Variants in TRPM1 observed in about 807,000 individuals in gnomAD.
TRPM1 encodes the protein TRPM1-203 APA Isoform, Intron 10.
A neutral mutation model predicts 149.4 loss-of-function variants in TRPM1; 113 were observed. The observed-to-expected ratio is 0.76, with a 90% CI of 0.65 to 0.88. The LOEUF (loss-of-function observed/expected upper bound fraction) is 0.88, where lower values mean the gene tolerates loss of function less well. TRPM1 is among the 40% of genes least tolerant of loss of function. The pLI is 0.00. For synonymous variants in TRPM1, 741 were observed against 759.5 expected, an observed-to-expected ratio of 0.98 and a Z score of 0.40; for missense variants, 1,976 against 2,038.7, an observed-to-expected ratio of 0.97 and a Z score of 0.59.
exon 1 of TRPM1, chr15:31,161,008 A>G (rs1168162271): frequency 6.6e-7 from 1 of 1,526,008 alleles, no homozygotes; most frequent in Admixed American, 2.0e-5. Flanking sequence ...TCGGGTGGCC[A>G]GGCCAGTGGC....
In TRPM1 at chr15:31,037,710, C is replaced by T. The variant is rs2033455920; in HGVS notation, c.2571+1G>A. 1.2e-6 allele frequency: 2 copies of T among 1,614,200 alleles called. No individual in the cohort carries two copies. The highest frequency in any genetic ancestry group is 8.5e-7 in the Non-Finnish European group (1 of 1,180,036). On this transcript the variant is annotated splice_donor_variant, in intron 20 of 27. Coordinates refer to ENST00000256552, the MANE Select transcript of TRPM1 (RefSeq NM_001252024.2). LOFTEE classifies it high-confidence loss of function. ...GTCAAATGTTCAGGAGGAGGCCTCA[C>T]TGTGTAAAACCAGAACTTGACAATG... is the stretch of plus-strand genomic sequence containing the variant.
chr15:31,119,960 T>C (rs2035854637), intron 1 of TRPM1, among the ~76,000 whole-genome samples: 3 of 151,998 alleles, frequency 2.0e-5, no homozygotes, highest in Admixed American at 6.6e-5. Flanking sequence ...ATGTAATACA[T>C]AGAAAATGGT....
intron 11 of TRPM1, among the ~76,000 whole-genome samples, chr15:31,054,318 G>C (rs527510140): frequency 9.2e-5 from 14 of 151,598 alleles, no homozygotes; most frequent in African/African-American, 3.4e-4. Context: ...TTTTTGAGAC[G>C]GAGTTTTGTT....
intron 13 of TRPM1, among the ~76,000 whole-genome samples, chr15:31,048,541 T>A (rs556508224): frequency 1.3e-5 from 2 of 152,110 alleles, no homozygotes; most frequent in African/African-American, 2.4e-5. Flanking sequence ...CTCAAATTAG[T>A]ATATTTGAGC....
intron 1 of TRPM1, among the ~76,000 whole-genome samples, chr15:31,082,369 T>C (rs1304193813): frequency 6.6e-6 from 1 of 152,150 alleles, no homozygotes; most frequent in African/African-American, 2.4e-5. Context: ...GAAGGGACAG[T>C]GGAGGTCATA....
At chr15:31,117,684 A>ACACG (rs1340094947) in intron 1 of TRPM1, among the ~76,000 whole-genome samples, 2 of 151,336 alleles carry the variant, frequency 1.3e-5, no homozygotes, top group African/African-American at 2.4e-5. Flanking sequence ...ACACACACAC[A>ACACG]CACACACACA....
upstream of TRPM1, among the ~76,000 whole-genome samples, chr15:31,106,399 G>T (rs1003057596): frequency 6.6e-6 from 1 of 151,974 alleles, no homozygotes; most frequent in Non-Finnish European, 1.5e-5. Context: ...GCTGCCCAAG[G>T]TGCTGGGATT....
intron 1 of TRPM1, among the ~76,000 whole-genome samples, chr15:31,082,545 C>T (rs2034889277): frequency 6.6e-6 from 1 of 152,118 alleles, no homozygotes; most frequent in Non-Finnish European, 1.5e-5. Context: ...TGGTCATTAT[C>T]AAATATGACT....
chr15:31,063,836 A>G (rs987525848), intron 7 of TRPM1, among the ~76,000 whole-genome samples: 2 of 152,186 alleles, frequency 1.3e-5, no homozygotes, highest in Non-Finnish European at 2.9e-5. Context: ...TCTGACTCAC[A>G]TATGGTTAAA....
At chr15:31,081,581 T>C (rs1329080518) in intron 1 of TRPM1, 143 bp from the exon 2 acceptor site, 1 of 618,588 alleles carries the variant, frequency 1.6e-6, no homozygotes, top group Non-Finnish European at 2.8e-6. Context: ...ACTCCCCATC[T>C]ACCCCAACCC....
chr15:31,002,569 AC>A lies in TRPM1; in HGVS notation c.4130del (p.Gly1377ValfsTer27), dbSNP rs1045993767. 3 of 1,614,070 alleles carry A rather than the reference AC, an allele frequency of 1.9e-6. No individual in the cohort carries two copies. The highest frequency in any genetic ancestry group is 1.3e-5 in the African/African-American group (1 of 75,014). ...DLKNAEESKLGPDIGISKEDD... is the reference protein window; with the variant it reads ...DLKNAEESKLXPDIGISKEDD... ...CTTCCTTTGAAATCCCAATATCTGG[AC>A]CTAATTTTGACTCTTCAGCGTTCTT... is the stretch of plus-strand genomic sequence containing the variant. On this transcript the variant is annotated frameshift_variant, in exon 28 of 28. Transcript: ENST00000256552. LOFTEE classifies it low-confidence loss of function (END_TRUNC).
At chr15:31,149,530 T>A (rs1329066021) in intron 1 of TRPM1, among the ~76,000 whole-genome samples, 1 of 149,354 alleles carries the variant, frequency 6.7e-6, no homozygotes, top group East Asian at 1.9e-4. Context: ...CTCTCTCTTT[T>A]TTTTTTTTTT....
chr15:31,120,488 G>A (rs561400238), intron 1 of TRPM1, among the ~76,000 whole-genome samples: 113 of 152,220 alleles, frequency 7.4e-4, no homozygotes, highest in Admixed American at 2.1e-3. Context: ...GTAATTTATG[G>A]ATCCAACACA....
chr15:31,106,529 A>C (rs1453673830), upstream of TRPM1, among the ~76,000 whole-genome samples: 1 of 152,208 alleles, frequency 6.6e-6, no homozygotes, highest in East Asian at 1.9e-4. Flanking sequence ...TCTTTCTCAC[A>C]AAGATGGTAG....
At chr15:31,039,598 G>A (rs2033545456) in intron 18 of TRPM1, among the ~76,000 whole-genome samples, 1 of 152,122 alleles carries the variant, frequency 6.6e-6, no homozygotes, top group African/African-American at 2.4e-5. Flanking sequence ...GGGTTTGATT[G>A]CAATATAATT....
chr15:31,089,913 G>A (rs1001603797), intron 1 of TRPM1, among the ~76,000 whole-genome samples: 1 of 152,204 alleles, frequency 6.6e-6, no homozygotes, highest in Non-Finnish European at 1.5e-5. Context: ...AGGATCCTGG[G>A]TTGGCCGGGA....
At chr15:31,107,315 C>T (rs1420912045) in intron 1 of TRPM1, among the ~76,000 whole-genome samples, 2 of 152,162 alleles carry the variant, frequency 1.3e-5, no homozygotes, top group African/African-American at 2.4e-5. Flanking sequence ...TTGTCCATTT[C>T]ATCCAGGTTT....
chr15:31,088,603 AG>A (rs1193987453), intron 1 of TRPM1, among the ~76,000 whole-genome samples: 2 of 152,182 alleles, frequency 1.3e-5, no homozygotes, highest in African/African-American at 2.4e-5. Context: ...ACCCACCGGA[AG>A]GAAGAAACGT....
At chr15:31,074,740 TC>T (rs1481612304) in intron 3 of TRPM1, among the ~76,000 whole-genome samples, 1 of 152,178 alleles carries the variant, frequency 6.6e-6, no homozygotes, top group Non-Finnish European at 1.5e-5. Flanking sequence ...AGTTTACTCT[TC>T]TTTTTCCAGT....
Sources: allele counts gnomAD v4.1 joint callset (sites outside exome capture counted in the v4.1 genomes callset), GRCh38; gene constraint gnomAD v4.1.1; transcripts MANE v1.5; gene names NCBI Gene and HGNC (gene_info 2026-07-23, HGNC 2026-07-21).